The following FHL1 variants were observed in gnomAD, a reference collection of about 807,000 sequenced individuals.
FHL1 encodes four and a half LIM domains protein 1.
FHL1 carries 1 observed loss-of-function variant against 20.3 expected under a neutral mutation model. The observed-to-expected ratio is 0.05, with a 90% confidence interval of 0.02 to 0.23. The LOEUF is 0.23. Among genes scored for constraint, FHL1 ranks in the 10% least tolerant of loss-of-function variants. The pLI, the probability that FHL1 is intolerant of heterozygous loss-of-function variation, is 1.00. For synonymous variants in FHL1, 82 were observed against 88.9 expected, an observed-to-expected ratio of 0.92 and a Z score of 0.44; for missense variants, 177 against 234.0, an observed-to-expected ratio of 0.76 and a Z score of 1.59.
chrX:136,146,932 G>A (rs1442927258), upstream of FHL1: 6 of 326,645 alleles, frequency 1.8e-5, no homozygotes, highest in Non-Finnish European at 3.0e-5. Context: ...TTTCGGCGCC[G>A]CTGCAAGCCA....
At chrX:136,180,701 A>G (rs2073131267) in intron 2 of FHL1, among the ~76,000 whole-genome samples, 1 of 112,630 alleles carries the variant, frequency 8.9e-6, no homozygotes, top group East Asian at 2.8e-4. Flanking sequence ...AAATTTTATC[A>G]TCCTGGAGAA....
At position 136,161,844 on chromosome X, in the gene FHL1, C is replaced by T. The variant is rs145206301; in HGVS notation, c.-100-8063C>T. On this transcript the variant is annotated intron_variant, in intron 1 of 7. Coordinates refer to the FHL1 transcript ENST00000394155. ...AAAACAACAGTGATCTCTTCAAGGC[C>T]GGGCGTGGTGGCTCATGCCTGTAAT... Among the ~76,000 whole-genome samples, 417 of 111,865 alleles carry T rather than the reference C, an allele frequency of 3.7e-3. 1 individual carries two copies. The highest frequency in any genetic ancestry group is 0.012 in the African/African-American group (378 of 30,814).
chrX:136,163,140 A>C (rs986696583), intron 1 of FHL1, among the ~76,000 whole-genome samples: 1 of 112,281 alleles, frequency 8.9e-6, no homozygotes, highest in Non-Finnish European at 1.9e-5. Context: ...CCCACCTCTC[A>C]ATACCATCAC....
intron 3 of FHL1, 71 bp downstream of exon 3, chrX:136,207,261 AT>A: frequency 9.3e-7 from 1 of 1,074,224 alleles, no homozygotes; most frequent in Non-Finnish European, 1.3e-6. Context: ...GGGCTTGCTT[AT>A]CATGGTGGGG....
At chrX:136,184,617 A>G (rs1204083269) in intron 2 of FHL1, among the ~76,000 whole-genome samples, 2 of 111,642 alleles carry the variant, frequency 1.8e-5, no homozygotes, top group Admixed American at 9.6e-5. Context: ...AAGAGAGGGA[A>G]TTCCTATCAT....
upstream of FHL1, chrX:136,146,755 A>G: frequency 3.0e-6 from 1 of 329,574 alleles, no homozygotes; most frequent in South Asian, 2.6e-5. Context: ...GCACATGGCG[A>G]GGGCTCAGTA....
Position 136,210,227 on chromosome X carries a change from A to T in FHL1, c.*202A>T, listed in dbSNP as rs2073975417. ...AGCATTTAGCAAAAAGCAACCCTGC[A>T]GCAAAGTGAATTTCTGTCCGGCTGC... On this transcript the variant is annotated 3_prime_UTR_variant, in exon 6 of 6. Coordinates refer to ENST00000370683, the MANE Select transcript of FHL1 (RefSeq NM_001159699.2). 1 of 566,597 alleles carries T rather than the reference A, an allele frequency of 1.8e-6. No homozygotes were observed. 46.7% of individuals were successfully genotyped at this position (566,597 alleles called of 1,213,427 possible).
intron 1 of FHL1, among the ~76,000 whole-genome samples, chrX:136,157,738 T>C (rs1021851881): frequency 1.8e-5 from 2 of 111,934 alleles, no homozygotes; most frequent in Non-Finnish European, 3.8e-5. Context: ...ACTATATTTA[T>C]GTCCAAAATG....
rs760511875 is a variant in FHL1, at chrX:136,161,103, T to C, written c.-100-8804T>C. Among the ~76,000 whole-genome samples the C allele has an allele frequency of 2.3e-4, 26 of 112,068 alleles. No individual in the cohort carries two copies. The South Asian group carries it at 9.8e-3, about 42-fold the overall frequency. On this transcript the variant is annotated intron_variant, in intron 1 of 7. Coordinates refer to the FHL1 transcript ENST00000394155. ...TTTCCCAGATATAGACAGGCTGGGT[T>C]CGTCATTAGGCCTAGTGTAGTCATG...
intron 1 of FHL1, among the ~76,000 whole-genome samples, chrX:136,164,514 C>G (rs190030415): frequency 3.9e-3 from 431 of 111,532 alleles, no homozygotes; most frequent in Middle Eastern, 9.2e-3. Context: ...CATAAGTATT[C>G]TTAAGGTTTT....
At chrX:136,192,211 TATC>T (rs1236927252), upstream of FHL1, among the ~76,000 whole-genome samples, 1 of 111,922 alleles carries the variant, frequency 8.9e-6, no homozygotes, top group Non-Finnish European at 1.9e-5. Flanking sequence ...TTTTGAAAAA[TATC>T]ATCCTAGGCA....
chrX:136,146,753 C>A, upstream of FHL1: 1 of 329,264 alleles, frequency 3.0e-6, no homozygotes, highest in South Asian at 2.6e-5. Context: ...TGGCACATGG[C>A]GAGGGCTCAG....
At chrX:136,209,428 G>T in intron 5 of FHL1, 1 of 1,210,610 alleles carries the variant, frequency 8.3e-7, no homozygotes, top group Non-Finnish European at 1.1e-6. Context: ...AAGCTTAGCA[G>T]CTCCTCGAGG....
intron 5 of FHL1, among the ~76,000 whole-genome samples, chrX:136,208,927 CTGGGGGGAGGGG>C (rs2148379807): frequency 1.9e-4 from 1 of 5,167 alleles, no homozygotes; most frequent in East Asian, 5.8e-3. Context: ...CAGGGGGATT[CTGGGGGGAGGGG>C]TGGGAGGAGG....
intron 1 of FHL1, among the ~76,000 whole-genome samples, chrX:136,150,371 C>T (rs986545167): frequency 4.5e-5 from 5 of 111,714 alleles, no homozygotes; most frequent in African/African-American, 1.6e-4. Context: ...TCTCCTTTCT[C>T]CCCCGTCCGG....
rs1301872071 is a variant in FHL1, at chrX:136,206,493, C to G, written c.109C>G (p.Gln37Glu). The G allele has an allele frequency of 8.3e-7, 1 of 1,211,294 alleles. No individual in the cohort carries two copies. Among genetic ancestry groups the G allele is most frequent in the African/African-American group, 1.7e-5 (1 of 57,587 alleles). The change falls in exon 2 of 6, where the codon CAA (glutamine) becomes GAA (glutamate). Residue 37 changes from glutamine (Q) to glutamate (E), a missense_variant. Coordinates refer to ENST00000370683, the MANE Select transcript of FHL1 (RefSeq NM_001159699.2). ...RDPLQGKKYV[Q>E]KDGHHCCLKC... ...TCCCTTGCAGGGGAAGAAGTATGTG[C>G]AAAAGGATGGCCACCACTGCTGCCT... is the stretch of plus-strand genomic sequence containing the variant.
intron 1 of FHL1, among the ~76,000 whole-genome samples, chrX:136,163,185 C>A (rs1380632332): frequency 1.8e-5 from 2 of 112,411 alleles, no homozygotes; most frequent in East Asian, 5.6e-4. Context: ...GAATCTTGGA[C>A]ACATGAAAAC....
intron 1 of FHL1, among the ~76,000 whole-genome samples, chrX:136,164,014 A>C (rs1350970390): frequency 9.0e-6 from 1 of 111,696 alleles, no homozygotes; most frequent in Admixed American, 9.5e-5. Context: ...CATTGAGAGG[A>C]CATCAGTCTT....
chrX:136,188,206 T>C (rs142484246), intron 2 of FHL1, among the ~76,000 whole-genome samples: 109 of 112,264 alleles, frequency 9.7e-4, no homozygotes, highest in African/African-American at 3.3e-3. Context: ...TTAACCCAAA[T>C]GAAGCCCTGA....
Sources: allele counts gnomAD v4.1 joint callset (sites outside exome capture counted in the v4.1 genomes callset), GRCh38; gene constraint gnomAD v4.1.1; transcripts MANE v1.5; gene names NCBI Gene and HGNC (gene_info 2026-07-23, HGNC 2026-07-21).